The following PCTP variants were observed in gnomAD, a reference collection of about 807,000 sequenced individuals.
The protein encoded by PCTP is START domain-containing protein 2.
A neutral mutation model predicts 31.0 loss-of-function variants in PCTP; 27 were observed. That is an observed-to-expected ratio of 0.87 (90% CI 0.64 to 1.20). The LOEUF is 1.20. Ranked by LOEUF, PCTP falls within the 50% of genes most tolerant of loss-of-function variation. The probability of loss-of-function intolerance (pLI) is 0.00; values close to 1 mark genes in which losing one functional copy is unlikely to be tolerated. For missense variants in PCTP, 287 were observed against 268.2 expected (o/e 1.07, Z -0.49); for synonymous variants, 108 against 101.2 (o/e 1.07, Z -0.40).
At chr17:55,795,067 C>A (rs1383053272) in intron 3 of PCTP, among the ~76,000 whole-genome samples, 4 of 151,962 alleles carry the variant, frequency 2.6e-5, no homozygotes, top group Non-Finnish European at 5.9e-5. Context: ...CACACTAACC[C>A]TCCTCTTTTC....
At chr17:55,791,415 G>A in intron 3 of PCTP, among the ~76,000 whole-genome samples, 1 of 145,970 alleles carries the variant, frequency 6.9e-6, no homozygotes, top group Admixed American at 6.8e-5. Context: ...ATCTGACAAA[G>A]GGCTAATATC....
At chr17:55,764,282 T>A (rs2912555) in intron 1 of PCTP, among the ~76,000 whole-genome samples, 124,457 of 152,202 alleles carry the variant, frequency 0.82, 54,604 homozygotes, top group Non-Finnish European at 0.98. Context: ...AGGCCTCAGT[T>A]TTCTTGAATA....
chr17:55,790,310 T>C (rs922330368), intron 3 of PCTP, among the ~76,000 whole-genome samples: 2 of 151,916 alleles, frequency 1.3e-5, no homozygotes, highest in African/African-American at 4.8e-5. Context: ...CCAGGGCAAT[T>C]AGGCAGGAGA....
chr17:55,752,257 G>A (rs1909754463), intron 1 of PCTP, among the ~76,000 whole-genome samples: 1 of 152,150 alleles, frequency 6.6e-6, no homozygotes, highest in Non-Finnish European at 1.5e-5. Context: ...GAAAACAAAC[G>A]TTTGCAATAT....
chr17:55,796,508 A>G (rs994199435), intron 3 of PCTP, among the ~76,000 whole-genome samples: 1 of 152,054 alleles, frequency 6.6e-6, no homozygotes, highest in Non-Finnish European at 1.5e-5. Flanking sequence ...AATGATGCCT[A>G]CCATGAGTGT....
In PCTP at chr17:55,777,360, A is replaced by T; in HGVS notation, c.*1260A>T. Reference sequence around the variant, plus strand: ...AAAGTGTGTTCTATAATGAATAAATATAGAGTGGTTTTTACTTGTCCTGTG... The same window carrying T: ...AAAGTGTGTTCTATAATGAATAAATTTAGAGTGGTTTTTACTTGTCCTGTG... On this transcript the variant is annotated 3_prime_UTR_variant, in exon 6 of 6. Coordinates refer to ENST00000268896, the MANE Select transcript of PCTP (RefSeq NM_021213.4). The T allele has an allele frequency of 1.0e-6, 1 of 984,968 alleles. No individual in the cohort carries two copies. Among genetic ancestry groups the T allele is most frequent in the African/African-American group, 1.7e-5 (1 of 57,346 alleles). 61.0% of individuals were successfully genotyped at this position (984,968 alleles called of 1,614,324 possible). A position where few individuals can be genotyped will look rare whatever the true frequency, so the allele number is the denominator to read the frequency against.
chr17:55,843,564 C>T (rs1476170932), downstream of PCTP, among the ~76,000 whole-genome samples: 1 of 152,250 alleles, frequency 6.6e-6, no homozygotes, highest in Non-Finnish European at 1.5e-5. Context: ...CCTCACTCAC[C>T]GGACTGGATT....
Position 55,776,421 on chromosome 17 carries a change from G to A in PCTP, c.*321G>A, listed in dbSNP as rs1298900987. 1 of 1,242,566 alleles carries A rather than the reference G, an allele frequency of 8.0e-7. No homozygotes were observed. Among genetic ancestry groups the A allele is most frequent in the Non-Finnish European group, 1.0e-6 (1 of 994,856 alleles). The allele number at this position is 1,242,566 out of a possible 1,614,324, so 77.0% of individuals were successfully genotyped here. A position where few individuals can be genotyped will look rare whatever the true frequency, so the allele number is the denominator to read the frequency against. On this transcript the variant is annotated 3_prime_UTR_variant, in exon 6 of 6. Transcript: ENST00000268896. ...TGCTTGCTTACTATTAGGAGGGGAA[G>A]TCTTCAGTAGGGAACACGATCATTC...
chr17:55,786,161 GTAATCCC>G (rs1911737215), intron 2 of PCTP, among the ~76,000 whole-genome samples: 1 of 148,258 alleles, frequency 6.7e-6, no homozygotes, highest in Admixed American at 6.6e-5. Context: ...GCGCAGGCCT[GTAATCCC>G]AGCTACTCGG....
At chr17:55,775,896 A>G (rs1911302552) in intron 5 of PCTP, 139 bp from the exon 6 acceptor site, 1 of 1,424,156 alleles carries the variant, frequency 7.0e-7, no homozygotes, top group Non-Finnish European at 9.2e-7. Flanking sequence ...CTGCAACAAC[A>G]TTCTGTTGAA....
chr17:55,833,636 A>G (rs764811804), intron 5 of PCTP, among the ~76,000 whole-genome samples: 1 of 152,192 alleles, frequency 6.6e-6, no homozygotes, highest in African/African-American at 2.4e-5. Context: ...AGATCTACCA[A>G]TTCATACATT....
intron 1 of PCTP, among the ~76,000 whole-genome samples, chr17:55,758,272 A>T (rs536999060): frequency 3.3e-5 from 5 of 152,320 alleles, no homozygotes; most frequent in African/African-American, 1.2e-4. Flanking sequence ...GCTTCTAATC[A>T]AAGAGTTTGG....
intron 1 of PCTP, among the ~76,000 whole-genome samples, chr17:55,764,553 A>C (rs1468961045): frequency 6.6e-6 from 1 of 152,186 alleles, no homozygotes; most frequent in African/African-American, 2.4e-5. Flanking sequence ...GTATAAAATC[A>C]CATGCTTTTA....
At chr17:55,771,929 C>T (rs1289864558) in intron 3 of PCTP, among the ~76,000 whole-genome samples, 1 of 152,062 alleles carries the variant, frequency 6.6e-6, no homozygotes, top group Non-Finnish European at 1.5e-5. Flanking sequence ...TTTACAGGTT[C>T]AATTTCCATG....
downstream of PCTP, among the ~76,000 whole-genome samples, chr17:55,844,388 A>T (rs1056988499): frequency 2.6e-5 from 4 of 152,112 alleles, no homozygotes; most frequent in African/African-American, 9.7e-5. Context: ...CCATTGCTAC[A>T]CTACTGCTTG....
chr17:55,809,350 C>G (rs1201038337), intron 3 of PCTP, among the ~76,000 whole-genome samples: 2 of 151,950 alleles, frequency 1.3e-5, no homozygotes, highest in African/African-American at 4.8e-5. Flanking sequence ...ATACTATACC[C>G]CTTAAGGTAA....
rs368932604 is a variant in PCTP, at chr17:55,839,686, C to G, written n.506-3041C>G. On this transcript the variant is annotated intron_variant and non_coding_transcript_variant, in intron 5 of 5. Coordinates refer to the PCTP transcript ENST00000576221. ...CTGTAATCCCAGCACTTTGGGAGGC[C>G]GAGGCGGGCGGATCACGAGGTCAGG... Among the ~76,000 whole-genome samples the G allele has an allele frequency of 4.0e-5, 6 of 151,596 alleles. No individual in the cohort carries two copies. The East Asian group carries it at 9.7e-4, about 24-fold the overall frequency.
At chr17:55,849,724 G>A in the PCTP span, among the ~76,000 whole-genome samples, 21,704 of 151,810 alleles carry the variant, frequency 0.14, 1,758 homozygotes, top group East Asian at 0.38. Context: ...TTTATAAGAC[G>A]AACACTACCC....
chr17:55,790,886 G>T (rs9674531), intron 3 of PCTP, among the ~76,000 whole-genome samples: 1 of 147,608 alleles, frequency 6.8e-6, no homozygotes, highest in Non-Finnish European at 1.5e-5. Flanking sequence ...GAGGCATCAC[G>T]CTACCTGACT....
Sources: gnomAD v4.1 joint callset for allele counts (sites outside exome capture counted in the v4.1 genomes callset) on GRCh38, gnomAD v4.1.1 for gene constraint, MANE v1.5 for transcripts, NCBI Gene and HGNC (gene_info 2026-07-23, HGNC 2026-07-21) for gene names.